DIP2C: variants seen among roughly 807,000 people sequenced by gnomAD.
DIP2C encodes disco-interacting protein 2 homolog C.
Under a neutral mutation model 192.4 loss-of-function variants are expected in DIP2C, and 33 were observed. The ratio of observed to expected loss-of-function variants is 0.17; its 90% CI spans 0.13 to 0.23. The LOEUF (loss-of-function observed/expected upper bound fraction) is 0.23. Ranked by LOEUF, DIP2C falls within the 10% of genes least tolerant of loss-of-function variation. The pLI is 1.00. For synonymous variants in DIP2C, 979 were observed against 864.1 expected, an observed-to-expected ratio of 1.13 and a Z score of -2.33; for missense variants, 1,537 against 2,110.1, an observed-to-expected ratio of 0.73 and a Z score of 5.32.
intron 1 of DIP2C, among the ~76,000 whole-genome samples, chr10:603,904 C>CT (rs1423511375): frequency 6.6e-6 from 1 of 151,440 alleles, no homozygotes; most frequent in Non-Finnish European, 1.5e-5. Flanking sequence ...CCTCCGACCA[C>CT]TGCCCCAGCC....
chr10:302,101 ATAAAC>A (rs1956081616), intron 32 of DIP2C, among the ~76,000 whole-genome samples: 1 of 152,012 alleles, frequency 6.6e-6, no homozygotes, highest in Admixed American at 6.6e-5. Flanking sequence ...AGGAAAAACT[ATAAAC>A]TAATAAGAAA....
intron 31 of DIP2C, among the ~76,000 whole-genome samples, chr10:321,535 G>GTT (rs1564551161): frequency 1.8e-5 from 2 of 109,514 alleles, no homozygotes; most frequent in African/African-American, 3.1e-5. Flanking sequence ...GCCTGCGGGG[G>GTT]CTCCAGCGAG....
chr10:447,199 G>A (rs1968306387), intron 3 of DIP2C, among the ~76,000 whole-genome samples: 2 of 150,796 alleles, frequency 1.3e-5, no homozygotes, highest in South Asian at 4.2e-4. Context: ...ACACACAGTG[G>A]AGCAGCAGGA....
chr10:423,293 C>T (rs984279578), intron 4 of DIP2C, among the ~76,000 whole-genome samples: 1 of 152,162 alleles, frequency 6.6e-6, no homozygotes, highest in South Asian at 2.1e-4. Flanking sequence ...ACACACTGAC[C>T]CATTTCCTCT....
intron 1 of DIP2C, among the ~76,000 whole-genome samples, chr10:536,895 A>C (rs998160491): frequency 2.0e-5 from 3 of 152,210 alleles, no homozygotes; most frequent in African/African-American, 7.2e-5. Flanking sequence ...CTCAAAGTTA[A>C]CACACGCCAG....
intron 1 of DIP2C, among the ~76,000 whole-genome samples, chr10:512,577 C>A (rs1383413238): frequency 6.6e-6 from 1 of 151,646 alleles, no homozygotes; most frequent in Admixed American, 6.6e-5. Context: ...AGAGTGAGAC[C>A]CCATCTCAAA....
intron 28 of DIP2C, among the ~76,000 whole-genome samples, chr10:342,986 T>G (rs1958231418): frequency 6.6e-6 from 1 of 152,318 alleles, no homozygotes; most frequent in African/African-American, 2.4e-5. Context: ...GGTCTGATTT[T>G]TGCGGTTTTA....
intron 2 of DIP2C, 38 bp from the exon 3 acceptor site, chr10:472,587 G>A (rs761412015): frequency 2.6e-6 from 4 of 1,543,074 alleles, no homozygotes; most frequent in Admixed American, 1.7e-5. Flanking sequence ...AGGTGTGACT[G>A]TACTCAGCGG....
In DIP2C at chr10:323,305, GCGAGAGACCGGCGC is replaced by G. The variant is rs1564553751; in HGVS notation, c.3924+3687_3924+3700del. Among the ~76,000 whole-genome samples the G allele has an allele frequency of 2.4e-3, 266 of 112,076 alleles. 23 individuals are homozygous for G. Among genetic ancestry groups the G allele is most frequent in the Middle Eastern group, 9.5e-3 (2 of 210 alleles). 73.5% of individuals were successfully genotyped at this position (112,076 alleles called of 152,430 possible). On this transcript the variant is annotated intron_variant, in intron 31 of 36. Transcript: ENST00000280886. ...AGTCAGTCGGGGGTGCGGGGCTCCA[GCGAGAGACCGGCGC>G]TGTTAGAACAGTCAGTCGGGGGTGC...
intron 1 of DIP2C, among the ~76,000 whole-genome samples, chr10:581,360 G>A (rs1265647341): frequency 6.6e-6 from 1 of 152,178 alleles, no homozygotes; most frequent in African/African-American, 2.4e-5. Context: ...CAAAATACAG[G>A]CAGTCTTCTG....
At chr10:311,595 A>C in intron 31 of DIP2C, 1 of 1,232,456 alleles carries the variant, frequency 8.1e-7, no homozygotes. Flanking sequence ...GAGGACGAGA[A>C]GAGAGGAGAG....
At chr10:427,961 G>A (rs914163062) in intron 4 of DIP2C, among the ~76,000 whole-genome samples, 2 of 152,110 alleles carry the variant, frequency 1.3e-5, no homozygotes, top group Admixed American at 6.5e-5. Context: ...GTACATAAAC[G>A]TCGACAGCAG....
chr10:675,471 C>T lies in DIP2C; in HGVS notation c.85+14023G>A, dbSNP rs534937948. ...CTAAATAAAATTAAACTAAAAAATA[C>T]AAAAGATGGGAAAAAATGTTGGTTT... On this transcript the variant is annotated intron_variant, in intron 1 of 36. Coordinates refer to ENST00000280886, the MANE Select transcript of DIP2C (RefSeq NM_014974.3). Among the ~76,000 whole-genome samples, 11 of 150,648 alleles carry T rather than the reference C, an allele frequency of 7.3e-5. No individual in the cohort carries two copies. In the East Asian group the frequency reaches 2.1e-3, roughly 29 times the overall value.
chr10:339,423 T>C (rs1227466916), intron 29 of DIP2C, among the ~76,000 whole-genome samples: 3 of 152,222 alleles, frequency 2.0e-5, no homozygotes, highest in South Asian at 4.1e-4. Flanking sequence ...CATCGCAACC[T>C]GGACAAACCC....
chr10:343,560 T>C (rs1273983040), intron 28 of DIP2C, among the ~76,000 whole-genome samples: 1 of 152,256 alleles, frequency 6.6e-6, no homozygotes, highest in African/African-American at 2.4e-5. Flanking sequence ...TATTATAAAA[T>C]GTAAAATGTA....
chr10:427,576 T>C (rs533450993), intron 4 of DIP2C, among the ~76,000 whole-genome samples: 2 of 61,442 alleles, frequency 3.3e-5, no homozygotes, highest in Non-Finnish European at 6.6e-5. Flanking sequence ...TTTTAAAACA[T>C]GGGCAAAAAA....
intron 1 of DIP2C, among the ~76,000 whole-genome samples, chr10:570,577 A>T (rs1298612214): frequency 6.6e-6 from 1 of 152,038 alleles, no homozygotes; most frequent in Non-Finnish European, 1.5e-5. Flanking sequence ...ACCCAACACT[A>T]CTTCAGCCAA....
intron 4 of DIP2C, among the ~76,000 whole-genome samples, chr10:424,986 ACGGATGATACAGCATGACCAGCG>A: frequency 1.4e-5 from 2 of 143,162 alleles, no homozygotes; most frequent in Admixed American, 1.4e-4. Context: ...CTAATACGAC[ACGGATGATACAGCATGACCAGCG>A]GTGACTAATA....
At chr10:365,403 T>TG (rs543786263) in intron 19 of DIP2C, among the ~76,000 whole-genome samples, 10 of 152,192 alleles carry the variant, frequency 6.6e-5, no homozygotes, top group Admixed American at 2.6e-4. Flanking sequence ...TCAGGTGTGG[T>TG]GGCACACGCC....
Sources: gnomAD v4.1 joint callset for allele counts (sites outside exome capture counted in the v4.1 genomes callset) on GRCh38, gnomAD v4.1.1 for gene constraint, MANE v1.5 for transcripts, NCBI Gene and HGNC (gene_info 2026-07-23, HGNC 2026-07-21) for gene names.